MCM9: variants seen among roughly 807,000 people sequenced by gnomAD.
MCM9 encodes minichromosome maintenance 9 homologous recombination repair factor.
In MCM9, 55 loss-of-function variants were observed where a neutral mutation model predicts 72.8. That is an observed-to-expected ratio of 0.76 (90% confidence interval 0.61 to 0.95). The LOEUF (loss-of-function observed/expected upper bound fraction) is 0.95, where lower values mean the gene tolerates loss of function less well. MCM9 is among the 40% of genes least tolerant of loss of function. MCM9 has a pLI of 0.00. For missense variants in MCM9, 1,279 were observed against 1,377.0 expected (o/e 0.93, Z 1.13); for synonymous variants, 480 against 503.4 (o/e 0.95, Z 0.62).
chr6:118,821,153 T>C (rs1773777848), intron 13 of MCM9, among the ~76,000 whole-genome samples: 1 of 152,222 alleles, frequency 6.6e-6, no homozygotes, highest in Admixed American at 6.5e-5. Context: ...TGTATGAAGT[T>C]GATCCTGTTA....
intron 13 of MCM9, among the ~76,000 whole-genome samples, chr6:118,821,951 C>T (rs1194283368): frequency 2.6e-5 from 4 of 152,256 alleles, no homozygotes; most frequent in South Asian, 4.1e-4. Flanking sequence ...ATGAAGTTCT[C>T]GTGCTGTGTT....
intron 9 of MCM9, among the ~76,000 whole-genome samples, chr6:118,843,690 A>ATGTATATATATATG (rs1775634856): frequency 4.0e-4 from 12 of 29,928 alleles, no homozygotes; most frequent in South Asian, 2.8e-3. Flanking sequence ...ATATATGTGT[A>ATGTATATATATATG]TATATATATA....
At chr6:118,885,782 A>G (rs1778559115) in intron 8 of MCM9, among the ~76,000 whole-genome samples, 1 of 152,248 alleles carries the variant, frequency 6.6e-6, no homozygotes, top group Non-Finnish European at 1.5e-5. Context: ...TTCTATAGAG[A>G]GAAAAGAGGG....
chr6:118,893,978 C>A, intron 8 of MCM9: 1 of 982,196 alleles, frequency 1.0e-6, no homozygotes, highest in Non-Finnish European at 1.2e-6. Flanking sequence ...CCTCTCCGCG[C>A]CGCCGCCGGC....
intron 11 of MCM9, 120 bp downstream of exon 11, chr6:118,827,807 G>A: frequency 1.1e-6 from 1 of 906,150 alleles, no homozygotes; most frequent in Non-Finnish European, 1.7e-6. Context: ...ATTTTTAAGT[G>A]ACTATGAGCA....
intron 8 of MCM9, among the ~76,000 whole-genome samples, chr6:118,864,513 C>T (rs146875048): frequency 0.076 from 11,604 of 152,010 alleles, 686 homozygotes; most frequent in East Asian, 0.19. Flanking sequence ...CAGTTCCCTC[C>T]GAGAGAAAGT....
At chr6:118,933,289 G>A (rs1289719150) in intron 1 of MCM9, among the ~76,000 whole-genome samples, 1 of 152,094 alleles carries the variant, frequency 6.6e-6, no homozygotes, top group African/African-American at 2.4e-5. Flanking sequence ...CACGAGGTCA[G>A]GAGATCGAGA....
intron 8 of MCM9, among the ~76,000 whole-genome samples, chr6:118,873,068 A>T (rs1262959158): frequency 6.6e-6 from 1 of 151,376 alleles, no homozygotes; most frequent in Admixed American, 6.6e-5. Context: ...GCTACTCAGG[A>T]GGCTGAGGTG....
chr6:118,826,155 T>A lies in MCM9; in HGVS notation c.1953A>T (p.Arg651Ser). ...LQSLLSEELR[R>S]LERLQNQSVH... ...GGGTTTTCATTCCTCACCTTTCAAG[T>A]CTTCTAAGCTCTTCACTCAAGAGGC... The change falls in exon 13 of 14, where the codon AGA (arginine) becomes AGT (serine). Residue 651 changes from arginine (R) to serine (S), a missense_variant. Transcript: ENST00000619706. The A allele has an allele frequency of 6.5e-7, 1 of 1,547,506 alleles. No individual in the cohort carries two copies. Among genetic ancestry groups the A allele is most frequent in the Non-Finnish European group, 8.7e-7 (1 of 1,146,008 alleles).
At chr6:118,835,071 A>T (rs142986202) in intron 9 of MCM9, among the ~76,000 whole-genome samples, 8,769 of 152,228 alleles carry the variant, frequency 0.058, 367 homozygotes, top group East Asian at 0.19. Context: ...GCATATGGCT[A>T]GCCAGTTTTC....
intron 8 of MCM9, among the ~76,000 whole-genome samples, chr6:118,866,332 A>G (rs1380492926): frequency 3.3e-5 from 5 of 152,224 alleles, no homozygotes; most frequent in Admixed American, 3.3e-4. Context: ...AAGGAAATAC[A>G]TTCCAAAGAA....
At chr6:118,862,752 G>A (rs1297888157) in intron 8 of MCM9, among the ~76,000 whole-genome samples, 1 of 152,134 alleles carries the variant, frequency 6.6e-6, no homozygotes, top group Non-Finnish European at 1.5e-5. Context: ...ACAGGCCATG[G>A]TTGGGAACCC....
At chr6:118,871,248 AT>A (rs1430418748) in intron 8 of MCM9, among the ~76,000 whole-genome samples, 8 of 152,236 alleles carry the variant, frequency 5.3e-5, no homozygotes, top group Non-Finnish European at 1.2e-4. Context: ...CACTCACCAT[AT>A]TCAACAATAC....
At chr6:118,925,857 G>T (rs1037614238) in intron 3 of MCM9, among the ~76,000 whole-genome samples, 3 of 151,758 alleles carry the variant, frequency 2.0e-5, no homozygotes, top group African/African-American at 7.3e-5. Flanking sequence ...TCTTAACACT[G>T]CTTGTAGATT....
intron 9 of MCM9, among the ~76,000 whole-genome samples, chr6:118,842,066 C>T (rs991990880): frequency 6.6e-6 from 1 of 152,198 alleles, no homozygotes; most frequent in East Asian, 1.9e-4. Context: ...AACTCCTGAC[C>T]TTGTGATCCA....
At position 118,869,792 on chromosome 6, in the gene MCM9, G is replaced by A. The variant is rs560000108; in HGVS notation, c.1151-13247C>T. On this transcript the variant is annotated intron_variant, in intron 8 of 13. Transcript: ENST00000619706. ...TAACTTTAGGACTCTCAGACTGAAA[G>A]TGAAGGGATGGAGAAAGACATCCCA... Among the ~76,000 whole-genome samples the A allele has an allele frequency of 1.7e-4, 26 of 152,154 alleles. 1 individual carries two copies. The East Asian group carries it at 5.0e-3, about 29-fold the overall frequency.
chr6:118,900,890 A>C, intron 8 of MCM9: 1 of 1,546,694 alleles, frequency 6.5e-7, no homozygotes, highest in Non-Finnish European at 8.9e-7. Context: ...AGGTAAGATT[A>C]ATCTTGGTAA....
At chr6:118,829,501 G>A (rs1774387751) in intron 9 of MCM9, among the ~76,000 whole-genome samples, 1 of 152,314 alleles carries the variant, frequency 6.6e-6, no homozygotes. Flanking sequence ...AGACCCCTTT[G>A]CTAAGTGCTA....
At chr6:118,827,782 T>G in intron 11 of MCM9, 145 bp downstream of exon 11, 1 of 705,632 alleles carries the variant, frequency 1.4e-6, no homozygotes, top group South Asian at 1.9e-5. Context: ...AGAGATCTTC[T>G]GGCTCAGAGC....
Sources: gnomAD v4.1 joint callset for allele counts (sites outside exome capture counted in the v4.1 genomes callset) on GRCh38, gnomAD v4.1.1 for gene constraint, MANE v1.5 for transcripts, NCBI Gene and HGNC (gene_info 2026-07-23, HGNC 2026-07-21) for gene names.